Variants in CCDC14 observed in about 807,000 individuals in gnomAD.
The protein encoded by CCDC14 is coiled-coil domain containing 14.
CCDC14 carries 71 observed loss-of-function variants against 81.4 expected under a neutral mutation model. That is an observed-to-expected ratio of 0.87 (90% CI 0.72 to 1.06). The LOEUF (loss-of-function observed/expected upper bound fraction) is 1.06. Among genes scored for constraint, CCDC14 ranks in the 50% least tolerant of loss-of-function variants. CCDC14 has a pLI of 0.00. For synonymous variants in CCDC14, 332 were observed against 364.8 expected, an observed-to-expected ratio of 0.91 and a Z score of 1.03; for missense variants, 1,046 against 1,047.3, an observed-to-expected ratio of 1.00 and a Z score of 0.02.
chr3:123,895,392 G>A (rs1268757896), downstream of CCDC14, among the ~76,000 whole-genome samples: 1 of 152,136 alleles, frequency 6.6e-6, no homozygotes, highest in Non-Finnish European at 1.5e-5. Flanking sequence ...CATGGGTGTT[G>A]AATAATATAT....
intron 1 of CCDC14, among the ~76,000 whole-genome samples, chr3:123,959,984 T>G (rs931911662): frequency 7.9e-5 from 12 of 152,192 alleles, no homozygotes; most frequent in Non-Finnish European, 1.8e-4. Flanking sequence ...AGCCTTTCTA[T>G]CTACTGAAAA....
chr3:123,892,763 T>C (rs1379050825), downstream of CCDC14, among the ~76,000 whole-genome samples: 2 of 152,168 alleles, frequency 1.3e-5, no homozygotes, highest in Non-Finnish European at 2.9e-5. Flanking sequence ...ATTTTTTCAC[T>C]TTTTTATTGT....
intron 1 of CCDC14, among the ~76,000 whole-genome samples, chr3:123,960,728 T>C (rs2037632281): frequency 6.6e-6 from 1 of 152,246 alleles, no homozygotes; most frequent in Non-Finnish European, 1.5e-5. Context: ...GGTTCTCTTA[T>C]TTAACCTTCT....
rs187026153 is a variant in CCDC14, at chr3:123,948,788, G to C, written c.590-3C>G. 4 of 1,591,170 alleles carry C rather than the reference G, an allele frequency of 2.5e-6. No individual in the cohort carries two copies. The highest frequency in any genetic ancestry group is 3.4e-6 in the Non-Finnish European group (4 of 1,172,480). On this transcript the variant is annotated splice_polypyrimidine_tract_variant and splice_region_variant and intron_variant, in intron 6 of 12. Coordinates refer to ENST00000409697, the MANE Select transcript of CCDC14 (RefSeq NM_001366335.1). Reference sequence around the variant, plus strand: ...AGAATGAGGAGTTGCCTGAGATTCTGTAAGTAAGAGGGAGAAAAAATTAAT... The same window carrying C: ...AGAATGAGGAGTTGCCTGAGATTCTCTAAGTAAGAGGGAGAAAAAATTAAT...
chr3:123,887,267 A>G, the CCDC14 span, among the ~76,000 whole-genome samples: 1 of 152,134 alleles, frequency 6.6e-6, no homozygotes, highest in African/African-American at 2.4e-5. Context: ...AATGCTTACC[A>G]TTAGTTCCTT....
chr3:123,915,105 A>G lies in CCDC14; in HGVS notation c.2392T>C (p.Ser798Pro), dbSNP rs757795777. ...KEAEDAPEKL[S>P]RASDMKDTQL... ...GTGTCCTTCATATCAGATGCTCTGGAAAGTTTTTCAGGTGCATCTTCTGCT... is the reference window on the plus strand; with the variant it reads ...GTGTCCTTCATATCAGATGCTCTGGGAAGTTTTTCAGGTGCATCTTCTGCT... Residue 798 changes from serine (S) to proline (P), a missense_variant, in exon 13 of 13, where the codon TCC (serine) becomes CCC (proline). By Grantham distance (74) the Ser-to-Pro change is moderately conservative. Transcript: ENST00000409697. The G allele has an allele frequency of 5.6e-6, 9 of 1,613,848 alleles. No individual in the cohort carries two copies. Among genetic ancestry groups the G allele is most frequent in the African/African-American group, 4.0e-5 (3 of 74,936 alleles).
intron 12 of CCDC14, among the ~76,000 whole-genome samples, chr3:123,927,527 G>A (rs1183487613): frequency 6.6e-6 from 1 of 152,186 alleles, no homozygotes; most frequent in Non-Finnish European, 1.5e-5. Context: ...ATGAGATACT[G>A]TGCTAAGCCT....
At chr3:123,885,864 G>A in the CCDC14 span, among the ~76,000 whole-genome samples, 1 of 152,038 alleles carries the variant, frequency 6.6e-6, no homozygotes, top group Non-Finnish European at 1.5e-5. Context: ...TTCATAAGTG[G>A]ATAAGGAGAT....
At chr3:123,958,007 T>C (rs2037435531) in intron 1 of CCDC14, 1 of 152,114 alleles carries the variant, frequency 6.6e-6, no homozygotes, top group South Asian at 2.1e-4. Flanking sequence ...GCTCCATCCT[T>C]CTAAGAATGT....
intron 9 of CCDC14, among the ~76,000 whole-genome samples, chr3:123,934,497 G>T (rs780167616): frequency 3.9e-5 from 6 of 151,984 alleles, no homozygotes; most frequent in Non-Finnish European, 7.4e-5. Flanking sequence ...ACTGCTATCA[G>T]ACATCTATCT....
chr3:123,924,510 G>A (rs1422742975), intron 12 of CCDC14, among the ~76,000 whole-genome samples: 1 of 152,118 alleles, frequency 6.6e-6, no homozygotes, highest in East Asian at 1.9e-4. Context: ...ACAAGCCATG[G>A]TGTGGGAGAA....
chr3:123,939,132 A>AAT (rs1424879057), intron 9 of CCDC14, among the ~76,000 whole-genome samples: 1 of 151,818 alleles, frequency 6.6e-6, no homozygotes, highest in Non-Finnish European at 1.5e-5. Context: ...CACACTTGAG[A>AAT]ATATGACTGT....
At chr3:123,926,023 A>T (rs1370223510) in intron 12 of CCDC14, among the ~76,000 whole-genome samples, 1 of 144,876 alleles carries the variant, frequency 6.9e-6, no homozygotes, top group African/African-American at 2.9e-5. Context: ...TGACCCACTA[A>T]TTAATTTGAT....
At position 123,916,468 on chromosome 3, in the gene CCDC14, TTGTGTGTG is replaced by T. The variant is rs71142765; in HGVS notation, c.1779-758_1779-751del. On this transcript the variant is annotated intron_variant, in intron 12 of 12. Transcript: ENST00000409697. ...TTATTTCCCTTCATTATATATGTGT[TTGTGTGTG>T]TGTGTGTGTGTGTGTGTGTGTGTGT... 1.7e-4 allele frequency among the ~76,000 whole-genome samples: 25 copies of T among 146,180 alleles called. 1 individual carries two copies. Among genetic ancestry groups the T allele is most frequent in the South Asian group, 8.7e-4 (4 of 4,574 alleles).
chr3:123,897,008 C>T (rs1211898356), downstream of CCDC14, among the ~76,000 whole-genome samples: 2 of 152,130 alleles, frequency 1.3e-5, no homozygotes, highest in Non-Finnish European at 2.9e-5. Flanking sequence ...TCTATAATTA[C>T]TCCCCACCTC....
chr3:123,961,142 A>G lies in CCDC14; in HGVS notation c.30+2T>C. ...CGGACTCCTCAGGTCCTCAGCCCTC[A>G]CCTGGCCCGGTCGAGCTCCAGACCT... On this transcript the variant is annotated splice_donor_variant, in intron 1 of 12. Coordinates refer to ENST00000409697, the MANE Select transcript of CCDC14 (RefSeq NM_001366335.1). LOFTEE classifies it high-confidence loss of function. 1 of 1,551,136 alleles carries G rather than the reference A, an allele frequency of 6.4e-7. No homozygotes were observed. Among genetic ancestry groups the G allele is most frequent in the Non-Finnish European group, 8.7e-7 (1 of 1,146,866 alleles).
intron 9 of CCDC14, among the ~76,000 whole-genome samples, chr3:123,939,526 C>G (rs2036242057): frequency 6.7e-6 from 1 of 148,922 alleles, no homozygotes; most frequent in Non-Finnish European, 1.5e-5. Flanking sequence ...AAAATTTTCC[C>G]TTTTATTTAT....
rs1392130010 is a variant in CCDC14 at position 123,934,627 on chromosome 3, A to G, written c.1344-872T>C. ...CAGGCTACAAATCTGCCCTGTTACA[A>G]TGAACTTCACAATATGTATCTGCTT... On this transcript the variant is annotated intron_variant, in intron 9 of 12. Coordinates refer to ENST00000409697, the MANE Select transcript of CCDC14 (RefSeq NM_001366335.1). Among the ~76,000 whole-genome samples, 4 of 152,330 alleles carry G rather than the reference A, an allele frequency of 2.6e-5. No homozygotes were observed. The East Asian group carries it at 7.7e-4, about 29-fold the overall frequency.
chr3:123,889,719 G>A, the CCDC14 span, among the ~76,000 whole-genome samples: 1 of 152,176 alleles, frequency 6.6e-6, no homozygotes, highest in Non-Finnish European at 1.5e-5. Flanking sequence ...AAGGATGGTG[G>A]CCTGCTTCTC....
Sources: allele counts gnomAD v4.1 joint callset (sites outside exome capture counted in the v4.1 genomes callset), GRCh38; gene constraint gnomAD v4.1.1; transcripts MANE v1.5; gene names NCBI Gene and HGNC (gene_info 2026-07-23, HGNC 2026-07-21).